The following FRMPD4 variants were observed in gnomAD, a reference collection of about 807,000 sequenced individuals.
FRMPD4 encodes FERM and PDZ domain-containing protein 4.
FRMPD4 carries 22 observed loss-of-function variants against 94.1 expected under a neutral mutation model. The ratio of observed to expected loss-of-function variants is 0.23; its 90% CI spans 0.17 to 0.33. FRMPD4 has a LOEUF of 0.33. FRMPD4 is among the 10% of genes least tolerant of loss of function. The probability of loss-of-function intolerance (pLI) is 1.00; values close to 1 mark genes in which losing one functional copy is unlikely to be tolerated. For synonymous variants in FRMPD4, 631 were observed against 548.6 expected, an observed-to-expected ratio of 1.15 and a Z score of -2.10; for missense variants, 1,111 against 1,339.9, an observed-to-expected ratio of 0.83 and a Z score of 2.67.
rs768456026 is a variant in FRMPD4 at position 12,573,066 on chromosome X, T to C, written c.159-36655T>C. 1.4e-4 allele frequency among the ~76,000 whole-genome samples: 16 copies of C among 112,556 alleles called. No homozygotes were observed. In the South Asian group the frequency reaches 3.0e-3, roughly 21 times the overall value. The stretch of plus-strand genomic sequence containing the variant: ...GACAGTTTCATCATAGCGACTCTTA[T>C]GTCTGCAGTTTTTCAGAATAGCCAG... On this transcript the variant is annotated intron_variant, in intron 2 of 16. Coordinates refer to ENST00000675598, the MANE Select transcript of FRMPD4 (RefSeq NM_001368397.1).
At chrX:11,843,978 C>CT (rs1193068056) in intron 1 of FRMPD4, among the ~76,000 whole-genome samples, 702 of 61,307 alleles carry the variant, frequency 0.011, 15 homozygotes, top group Non-Finnish European at 0.015. Flanking sequence ...GTTATGAATT[C>CT]TTTTTTTTTT....
At chrX:11,901,417 A>C (rs1737430194) in intron 3 of FRMPD4, among the ~76,000 whole-genome samples, 1 of 112,518 alleles carries the variant, frequency 8.9e-6, no homozygotes, top group African/African-American at 3.2e-5. Context: ...AAGTTGCTGC[A>C]AAAGACATTA....
chrX:12,224,191 A>G (rs1017792566), intron 1 of FRMPD4, among the ~76,000 whole-genome samples: 19 of 111,854 alleles, frequency 1.7e-4, no homozygotes, highest in Non-Finnish European at 3.0e-4. Context: ...CTTTAAGAGC[A>G]AAGATGTGTA....
chrX:12,513,038 C>T (rs769538450), intron 2 of FRMPD4, among the ~76,000 whole-genome samples: 16 of 112,169 alleles, frequency 1.4e-4, no homozygotes, highest in Non-Finnish European at 2.3e-4. Context: ...AGCGTCTGTT[C>T]GTATCCTTTG....
At chrX:11,855,929 T>G (rs1033381440) in intron 1 of FRMPD4, among the ~76,000 whole-genome samples, 1 of 111,870 alleles carries the variant, frequency 8.9e-6, no homozygotes, top group African/African-American at 3.3e-5. Context: ...CAGTACCAAT[T>G]AACTGTATTA....
chrX:12,160,676 T>C (rs753502190), intron 1 of FRMPD4, among the ~76,000 whole-genome samples: 12 of 111,812 alleles, frequency 1.1e-4, no homozygotes, highest in Non-Finnish European at 2.1e-4. Context: ...CCCCAAGATA[T>C]AATTATCTTC....
At chrX:11,901,615 G>A (rs2053938335) in intron 3 of FRMPD4, among the ~76,000 whole-genome samples, 1 of 112,211 alleles carries the variant, frequency 8.9e-6, no homozygotes, top group African/African-American at 3.2e-5. Context: ...ATGCCCAGTA[G>A]TGGGACTGCT....
chrX:12,168,368 A>G (rs745473594), intron 1 of FRMPD4, among the ~76,000 whole-genome samples: 14 of 58,541 alleles, frequency 2.4e-4, no homozygotes, highest in African/African-American at 5.7e-4. Context: ...CCAGATTGGG[A>G]AAAAAAAAAA....
At chrX:12,698,904 T>C (rs1490743926) in intron 9 of FRMPD4, among the ~76,000 whole-genome samples, 2 of 111,532 alleles carry the variant, frequency 1.8e-5, no homozygotes, top group Admixed American at 1.9e-4. Flanking sequence ...TTTTGAGACT[T>C]AACCCATTTT....
intron 4 of FRMPD4, among the ~76,000 whole-genome samples, chrX:12,626,323 T>C (rs2059346150): frequency 1.5e-5 from 1 of 64,990 alleles, no homozygotes; most frequent in Non-Finnish European, 3.5e-5. Context: ...AGATCCTGTC[T>C]CAAAAAAAAA....
At chrX:12,294,485 CAGAG>C (rs1555947932) in intron 1 of FRMPD4, among the ~76,000 whole-genome samples, 1 of 92,073 alleles carries the variant, frequency 1.1e-5, no homozygotes, top group Admixed American at 1.2e-4. Context: ...CACACACACA[CAGAG>C]AGAGAGAGAG....
intron 3 of FRMPD4, among the ~76,000 whole-genome samples, chrX:12,110,270 C>A (rs1338911848): frequency 1.8e-5 from 2 of 111,977 alleles, no homozygotes; most frequent in Admixed American, 9.4e-5. Context: ...TCAACATAGG[C>A]AAATCAATAA....
intron 1 of FRMPD4, among the ~76,000 whole-genome samples, chrX:12,451,538 T>C (rs1483134752): frequency 8.9e-6 from 1 of 112,177 alleles, no homozygotes; most frequent in African/African-American, 3.2e-5. Flanking sequence ...TTTCTGTGTA[T>C]ATAAAAATAT....
chrX:12,537,944 G>T (rs1415635109), intron 2 of FRMPD4, among the ~76,000 whole-genome samples: 1 of 111,136 alleles, frequency 9.0e-6, no homozygotes, highest in African/African-American at 3.3e-5. Flanking sequence ...TGATGCAGAA[G>T]ACAGGTGATT....
chrX:12,314,550 A>G (rs1180099293), intron 1 of FRMPD4, among the ~76,000 whole-genome samples: 1 of 111,916 alleles, frequency 8.9e-6, no homozygotes, highest in Non-Finnish European at 1.9e-5. Flanking sequence ...AAAATTATTC[A>G]GTGGTAATTG....
chrX:11,856,759 G>A (rs1018709052), intron 1 of FRMPD4, among the ~76,000 whole-genome samples: 1 of 112,184 alleles, frequency 8.9e-6, no homozygotes, highest in South Asian at 3.7e-4. Context: ...AAGAGAGGAA[G>A]TTAAATTATC....
At chrX:11,946,160 A>G (rs976135983) in intron 3 of FRMPD4, among the ~76,000 whole-genome samples, 1 of 112,072 alleles carries the variant, frequency 8.9e-6, no homozygotes, top group Admixed American at 9.4e-5. Flanking sequence ...TTAAGACCTG[A>G]ATCTAACCCA....
At position 12,694,405 on chromosome X, in the gene FRMPD4, T is replaced by C. The variant is rs746470604; in HGVS notation, c.884T>C (p.Ile295Thr). The change falls in exon 9 of 17, where the codon ATT becomes ACT. Residue 295 changes from isoleucine to threonine, a missense_variant. Physicochemically the swap from Ile to Thr is moderately conservative, Grantham distance 89. Transcript: ENST00000675598. The part of the protein sequence containing the change: ...FRISFVPKDP[I>T]DLLRRDPVAF... ...ATTAGCTTCGTCCCAAAAGATCCAATTGACCTTTTAAGGAGAGATCCAGTT... is the reference window on the plus strand; with the variant it reads ...ATTAGCTTCGTCCCAAAAGATCCAACTGACCTTTTAAGGAGAGATCCAGTT... The C allele has an allele frequency of 5.8e-5, 69 of 1,194,261 alleles. No individual in the cohort carries two copies. Among genetic ancestry groups the C allele is most frequent in the Non-Finnish European group, 7.3e-5 (64 of 879,459 alleles).
At chrX:12,281,696 C>T (rs2054529132) in intron 1 of FRMPD4, among the ~76,000 whole-genome samples, 1 of 111,873 alleles carries the variant, frequency 8.9e-6, no homozygotes, top group Non-Finnish European at 1.9e-5. Context: ...TATATATTTT[C>T]CAGCCTAGCA....
Sources: gnomAD v4.1 joint callset for allele counts (sites outside exome capture counted in the v4.1 genomes callset) on GRCh38, gnomAD v4.1.1 for gene constraint, MANE v1.5 for transcripts, NCBI Gene and HGNC (gene_info 2026-07-23, HGNC 2026-07-21) for gene names.